Variants in BNC2 observed in about 807,000 individuals in gnomAD.
The protein encoded by BNC2 is basonuclin zinc finger protein 2, also known as zinc finger protein basonuclin-2.
In BNC2, 20 loss-of-function variants were observed where a neutral mutation model predicts 76.3. The observed-to-expected ratio is 0.26, with a 90% CI of 0.18 to 0.38. The LOEUF (loss-of-function observed/expected upper bound fraction) is 0.38. Among genes scored for constraint, BNC2 ranks in the 10% least tolerant of loss-of-function variants. The probability of loss-of-function intolerance (pLI) is 1.00; values close to 1 mark genes in which losing one functional copy is unlikely to be tolerated. For synonymous variants in BNC2, 582 were observed against 514.8 expected (o/e 1.13, Z -1.77); for missense variants, 1,382 against 1,399.8 (o/e 0.99, Z 0.20).
intron 1 of BNC2, among the ~76,000 whole-genome samples, chr9:16,803,098 T>C (rs1042555398): frequency 3.9e-5 from 6 of 152,176 alleles, no homozygotes; most frequent in African/African-American, 1.4e-4. Context: ...TTTTCCTATA[T>C]TCCTAAACAT....
At chr9:16,579,703 G>C (rs1819579577) in intron 4 of BNC2, 1 of 160,222 alleles carries the variant, frequency 6.2e-6, no homozygotes, top group Non-Finnish European at 1.4e-5. Flanking sequence ...GTGTTTCTGT[G>C]TGTGTACATA....
chr9:16,775,063 A>G (rs1825927225), intron 1 of BNC2, among the ~76,000 whole-genome samples: 1 of 152,236 alleles, frequency 6.6e-6, no homozygotes, highest in Admixed American at 6.5e-5. Flanking sequence ...TTTTCAAAGT[A>G]GTGTCTCACA....
chr9:16,849,428 G>A (rs962762446), intron 1 of BNC2, among the ~76,000 whole-genome samples: 5 of 132,468 alleles, frequency 3.8e-5, no homozygotes, highest in East Asian at 2.2e-4. Flanking sequence ...GCGCAATCTC[G>A]GCTCGCTGCA....
At chr9:16,741,957 C>CAAAAAAAAAAAAAAAA (rs35573018) in intron 1 of BNC2, among the ~76,000 whole-genome samples, 1 of 79,398 alleles carries the variant, frequency 1.3e-5, no homozygotes, top group Admixed American at 1.8e-4. Flanking sequence ...GGCTCCATCT[C>CAAAAAAAAAAAAAAAA]AAAAAAAAAA....
At chr9:16,695,288 A>G (rs987277579) in intron 3 of BNC2, among the ~76,000 whole-genome samples, 13 of 152,008 alleles carry the variant, frequency 8.6e-5, no homozygotes, top group African/African-American at 2.7e-4. Flanking sequence ...AAATAATACC[A>G]TTTTCTTTTT....
intron 6 of BNC2, among the ~76,000 whole-genome samples, 174 bp downstream of exon 6, chr9:16,435,381 A>G (rs1319706696): frequency 2.0e-5 from 3 of 152,182 alleles, no homozygotes; most frequent in Admixed American, 6.5e-5. Context: ...CACAAGCACC[A>G]ACTGCAACAA....
At chr9:16,446,295 C>CA (rs548251851) in intron 5 of BNC2, among the ~76,000 whole-genome samples, 12 of 150,266 alleles carry the variant, frequency 8.0e-5, no homozygotes, top group East Asian at 1.9e-4. Context: ...AAACTACTAG[C>CA]AAAAAAAAAG....
At chr9:16,524,609 T>C (rs999958016) in intron 5 of BNC2, among the ~76,000 whole-genome samples, 5 of 152,182 alleles carry the variant, frequency 3.3e-5, no homozygotes, top group Non-Finnish European at 7.3e-5. Context: ...CTATGTATAA[T>C]AATCTACTGA....
intron 3 of BNC2, among the ~76,000 whole-genome samples, chr9:16,661,929 A>T (rs1822122098): frequency 6.6e-6 from 1 of 152,246 alleles, no homozygotes; most frequent in Admixed American, 6.5e-5. Flanking sequence ...AGCATCAAAG[A>T]CAAGTGACAG....
At chr9:16,816,006 TC>T (rs762432578) in intron 1 of BNC2, among the ~76,000 whole-genome samples, 2 of 152,170 alleles carry the variant, frequency 1.3e-5, no homozygotes, top group African/African-American at 2.4e-5. Context: ...AAAAACAATT[TC>T]CCAACTGCCT....
chr9:16,506,510 CCTCTTTTTTTTTTTTTT>C (rs1431018687), intron 5 of BNC2, among the ~76,000 whole-genome samples: 2 of 88,540 alleles, frequency 2.3e-5, no homozygotes, highest in Admixed American at 2.3e-4. Context: ...CTCTCTCTCT[CCTCTTTTTTTTTTTTTT>C]TTTTTTTTTT....
chr9:16,708,300 G>A (rs1397899788), intron 3 of BNC2, among the ~76,000 whole-genome samples: 1 of 152,200 alleles, frequency 6.6e-6, no homozygotes, highest in African/African-American at 2.4e-5. Flanking sequence ...AGTTCTGTAA[G>A]CTACGTTTTA....
Position 16,418,678 on chromosome 9 carries a change from G to C in BNC2, c.*311C>G, listed in dbSNP as rs1820638931. 6.5e-6 allele frequency: 2 copies of C among 309,754 alleles called. No individual in the cohort carries two copies. The highest frequency in any genetic ancestry group is 1.2e-5 in the Non-Finnish European group (2 of 169,626). The allele number at this position is 309,754 out of a possible 1,614,324, so 19.2% of individuals were successfully genotyped here. A position where few individuals can be genotyped will look rare whatever the true frequency, so the allele number is the denominator to read the frequency against. On this transcript the variant is annotated 3_prime_UTR_variant, in exon 7 of 7. Transcript: ENST00000380672. ...CTAGTTGCACACTGTGTGTGTGTGTGTGTGTGTGTGTGTATGTGCATGTGT... is the reference window on the plus strand; with the variant it reads ...CTAGTTGCACACTGTGTGTGTGTGTCTGTGTGTGTGTGTATGTGCATGTGT...
In BNC2 at chr9:16,415,050, C is replaced by A. The variant is rs926440989; in HGVS notation, c.*3939G>T. 6.6e-6 allele frequency: 1 copy of A among 151,632 alleles called. No homozygotes were observed. 9.4% of individuals were successfully genotyped at this position (151,632 alleles called of 1,614,324 possible). ...AAATAACACTATGAGGACAGTGGCA[C>A]CATTGTGCCAAAAAGGTTTTAAAAA... On this transcript the variant is annotated 3_prime_UTR_variant, in exon 7 of 7. Coordinates refer to ENST00000380672, the MANE Select transcript of BNC2 (RefSeq NM_017637.6).
At chr9:16,691,365 G>A (rs1034012786) in intron 3 of BNC2, among the ~76,000 whole-genome samples, 3 of 152,234 alleles carry the variant, frequency 2.0e-5, no homozygotes, top group Non-Finnish European at 2.9e-5. Context: ...CAATGACTTC[G>A]CTAGTGCTTT....
chr9:16,699,628 T>C (rs1192955389), intron 3 of BNC2, among the ~76,000 whole-genome samples: 2 of 152,186 alleles, frequency 1.3e-5, no homozygotes, highest in South Asian at 2.1e-4. Context: ...CAATCTACAA[T>C]AGTAACAGAC....
In BNC2 at chr9:16,494,998, T is replaced by C. The variant is rs187284059; in HGVS notation, c.670-57474A>G. 1.5e-4 allele frequency among the ~76,000 whole-genome samples: 23 copies of C among 152,200 alleles called. No individual in the cohort carries two copies. The East Asian group carries it at 1.7e-3, about 12-fold the overall frequency. On this transcript the variant is annotated intron_variant, in intron 5 of 6. Coordinates refer to ENST00000380672, the MANE Select transcript of BNC2 (RefSeq NM_017637.6). ...GTATAATAAAATAAAATAAAAGAGT[T>C]TGGATGTTCTTTCAACCCAGGAGAA...
At chr9:16,776,919 A>G (rs1825983549) in intron 1 of BNC2, among the ~76,000 whole-genome samples, 1 of 152,082 alleles carries the variant, frequency 6.6e-6, no homozygotes, top group Non-Finnish European at 1.5e-5. Context: ...TGAGGTCAGG[A>G]GTTCGAGACC....
In BNC2 at chr9:16,416,437, A is replaced by G. The variant is rs976065535; in HGVS notation, c.*2552T>C. 7 of 152,684 alleles carry G rather than the reference A, an allele frequency of 4.6e-5. No individual in the cohort carries two copies. Among genetic ancestry groups the G allele is most frequent in the African/African-American group, 1.7e-4 (7 of 41,468 alleles). The allele number at this position is 152,684 out of a possible 1,614,324, so 9.5% of individuals were successfully genotyped here. A position where few individuals can be genotyped will look rare whatever the true frequency, so the allele number is the denominator to read the frequency against. On this transcript the variant is annotated 3_prime_UTR_variant, in exon 7 of 7. Transcript: ENST00000380672. ...AACAAACTTTCATTATTCTAGTTCA[A>G]TCTTTCACAAACATACTGTACAGAG...
Sources: allele counts gnomAD v4.1 joint callset (sites outside exome capture counted in the v4.1 genomes callset), GRCh38; gene constraint gnomAD v4.1.1; transcripts MANE v1.5; gene names NCBI Gene and HGNC (gene_info 2026-07-23, HGNC 2026-07-21).